SAMMSON: variants seen among roughly 807,000 people sequenced by gnomAD.
SAMMSON encodes survival associated mitochondrial melanoma specific oncogenic non-coding RNA.
At chr3:70,023,962 G>A (rs756781643) in intron 3 of SAMMSON, among the ~76,000 whole-genome samples, 10 of 152,044 alleles carry the variant, frequency 6.6e-5, no homozygotes, top group Non-Finnish European at 1.3e-4. Context: ...CCTTCTGCCT[G>A]TCTCCAGCTG....
chr3:70,375,992 C>T (rs1480588725), intron 9 of SAMMSON, among the ~76,000 whole-genome samples: 1 of 152,058 alleles, frequency 6.6e-6, no homozygotes, highest in South Asian at 2.1e-4. Context: ...CTTCTTGTTG[C>T]TGTCGTATGA....
At chr3:70,180,644 A>T (rs1451512017) in intron 4 of SAMMSON, among the ~76,000 whole-genome samples, 1 of 152,158 alleles carries the variant, frequency 6.6e-6, no homozygotes, top group Non-Finnish European at 1.5e-5. Context: ...GAGCCTTCAG[A>T]TATGCTATAC....
rs1021053148 is a variant in SAMMSON, at chr3:70,007,922, T to G, written n.23-4435T>G. ...ATGGGGAATCCTTTCCCCATTTCTT[T>G]TTTTTGTCAGGTTGTCAAAGATCAG... On this transcript the variant is annotated intron_variant and non_coding_transcript_variant, in intron 1 of 9. Coordinates refer to ENST00000642114, the Ensembl canonical transcript of SAMMSON. Among the ~76,000 whole-genome samples the G allele has an allele frequency of 6.6e-5, 10 of 152,178 alleles. No homozygotes were observed. In the South Asian group the frequency reaches 1.0e-3, roughly 16 times the overall value.
At chr3:70,311,806 CCTT>C in intron 7 of SAMMSON, 1 of 393,922 alleles carries the variant, frequency 2.5e-6, no homozygotes. Context: ...ACAATTTCCT[CCTT>C]CTCCCACACT....
chr3:70,276,582 T>C (rs1446677030), intron 6 of SAMMSON, among the ~76,000 whole-genome samples: 1 of 152,236 alleles, frequency 6.6e-6, no homozygotes, highest in Non-Finnish European at 1.5e-5. Flanking sequence ...GTTAGACACC[T>C]ACCTGAGGAT....
intron 6 of SAMMSON, among the ~76,000 whole-genome samples, chr3:70,276,694 G>A (rs1158312735): frequency 6.6e-6 from 1 of 152,142 alleles, no homozygotes; most frequent in East Asian, 1.9e-4. Flanking sequence ...TTTTTTGTAA[G>A]TCAAGTTTTG....
At chr3:70,133,380 G>A (rs2067492031) in intron 4 of SAMMSON, among the ~76,000 whole-genome samples, 1 of 152,152 alleles carries the variant, frequency 6.6e-6, no homozygotes, top group South Asian at 2.1e-4. Flanking sequence ...GAGAAGGCAT[G>A]GACACTCTGC....
rs576210460 is a variant in SAMMSON at position 70,224,723 on chromosome 3, T to C, written n.508-24384T>C. ...AGGAGAAAATTCACCCTTGGTTTTT[T>C]TTTTAATTCATTTAACCATTGCGCT... On this transcript the variant is annotated intron_variant and non_coding_transcript_variant, in intron 4 of 9. Transcript: ENST00000642114. 3.7e-4 allele frequency among the ~76,000 whole-genome samples: 56 copies of C among 152,236 alleles called. 1 individual carries two copies. In the South Asian group the frequency reaches 0.011, roughly 30 times the overall value.
chr3:70,400,499 G>A (rs768095771), intron 2 of SAMMSON, among the ~76,000 whole-genome samples: 1 of 152,270 alleles, frequency 6.6e-6, no homozygotes, highest in South Asian at 2.1e-4. Context: ...GCAGTGTAAG[G>A]CTCTCACCAG....
chr3:70,283,013 CA>C (rs1023262396), intron 6 of SAMMSON, among the ~76,000 whole-genome samples: 1 of 152,156 alleles, frequency 6.6e-6, no homozygotes, highest in Non-Finnish European at 1.5e-5. Context: ...ACTGAAAAAA[CA>C]GTTGATTACA....
intron 4 of SAMMSON, among the ~76,000 whole-genome samples, chr3:70,096,496 A>G (rs2067323340): frequency 6.6e-6 from 1 of 152,148 alleles, no homozygotes; most frequent in African/African-American, 2.4e-5. Flanking sequence ...GTGAGCTATG[A>G]TTGCACCACT....
At chr3:70,041,804 G>T (rs963327307) in intron 3 of SAMMSON, among the ~76,000 whole-genome samples, 1 of 151,978 alleles carries the variant, frequency 6.6e-6, no homozygotes, top group African/African-American at 2.4e-5. Context: ...TATCTGTGGG[G>T]TCCTGGAACC....
At chr3:70,384,460 T>C (rs1407948610) in intron 9 of SAMMSON, among the ~76,000 whole-genome samples, 3 of 152,018 alleles carry the variant, frequency 2.0e-5, no homozygotes, top group African/African-American at 7.2e-5. Context: ...TTGAGGCCAG[T>C]CTTTAGTTGA....
intron 7 of SAMMSON, among the ~76,000 whole-genome samples, chr3:70,339,797 C>G (rs1249706038): frequency 6.6e-6 from 1 of 152,140 alleles, no homozygotes; most frequent in Non-Finnish European, 1.5e-5. Context: ...CACTTTTACA[C>G]CATTGGTGGG....
At chr3:70,185,525 G>A (rs1701085230) in intron 4 of SAMMSON, among the ~76,000 whole-genome samples, 2 of 152,184 alleles carry the variant, frequency 1.3e-5, no homozygotes, top group South Asian at 2.1e-4. Flanking sequence ...TATTGTATAA[G>A]TTTTATAGGA....
chr3:70,313,339 G>T (rs1419876706), intron 7 of SAMMSON, among the ~76,000 whole-genome samples: 4 of 151,870 alleles, frequency 2.6e-5, no homozygotes, highest in African/African-American at 9.7e-5. Flanking sequence ...AGTTAGCTGG[G>T]TGTGGATATA....
chr3:70,281,406 C>T (rs577913114), intron 6 of SAMMSON, among the ~76,000 whole-genome samples: 57 of 152,234 alleles, frequency 3.7e-4, no homozygotes, highest in African/African-American at 1.3e-3. Context: ...AATTAAACCC[C>T]GTTTTCTAGA....
At chr3:70,271,318 G>C (rs369929775) in intron 6 of SAMMSON, among the ~76,000 whole-genome samples, 17 of 152,084 alleles carry the variant, frequency 1.1e-4, no homozygotes, top group African/African-American at 3.4e-4. Flanking sequence ...AAACTGGAGA[G>C]CATTATGCAC....
intron 6 of SAMMSON, among the ~76,000 whole-genome samples, chr3:70,266,420 T>C (rs1188895837): frequency 1.3e-5 from 2 of 151,572 alleles, no homozygotes; most frequent in Non-Finnish European, 2.9e-5. Flanking sequence ...TTAAATTATA[T>C]TATTATTTAT....
Sources: gnomAD v4.1 joint callset for allele counts (sites outside exome capture counted in the v4.1 genomes callset) on GRCh38, gnomAD v4.1.1 for gene constraint, MANE v1.5 for transcripts, NCBI Gene and HGNC (gene_info 2026-07-23, HGNC 2026-07-21) for gene names.